PADI6: variants seen among roughly 807,000 people sequenced by gnomAD.
PADI6 encodes peptidyl arginine deiminase 6.
In PADI6, 66 loss-of-function variants were observed where a neutral mutation model predicts 78.2. That is an observed-to-expected ratio of 0.84 (90% CI 0.69 to 1.04). The LOEUF is 1.04. Ranked by LOEUF, PADI6 falls within the 50% of genes least tolerant of loss-of-function variation. PADI6 has a pLI of 0.00. For synonymous variants in PADI6, 397 were observed against 346.9 expected, an observed-to-expected ratio of 1.14 and a Z score of -1.60; for missense variants, 854 against 866.1, an observed-to-expected ratio of 0.99 and a Z score of 0.18.
rs528752440 is a variant in PADI6, at chr1:17,385,248, C to A, written c.680-3133C>A. Among the ~76,000 whole-genome samples the A allele has an allele frequency of 2.3e-3, 357 of 152,174 alleles. 1 individual carries two copies. Among genetic ancestry groups the A allele is most frequent in the Admixed American group, 3.6e-3 (55 of 15,276 alleles). ...GGTCTGGTCGTAGCCTGAAATGAGG[C>A]CTTTTGGTGTGATGGTTTTCTCCAG... On this transcript the variant is annotated intron_variant, in intron 6 of 15. Coordinates refer to ENST00000619609, the MANE Select transcript of PADI6 (RefSeq NM_207421.4).
Position 17,393,985 on chromosome 1 carries a change from CCTT to C in PADI6, c.1088_1090del (p.Phe363del). ...TCCTCTCCATTCCAGGATGAGATGGCCTTCTGCTACACCCAGGCTCCCCACAAG... is the reference window on the plus strand; with the variant it reads ...TCCTCTCCATTCCAGGATGAGATGGCCTGCTACACCCAGGCTCCCCACAAG... On this transcript the variant is annotated inframe_deletion, in exon 10 of 16. Coordinates refer to ENST00000619609, the MANE Select transcript of PADI6 (RefSeq NM_207421.4). 1 of 1,613,732 alleles carries C rather than the reference CCTT, an allele frequency of 6.2e-7. No individual in the cohort carries two copies. The highest frequency in any genetic ancestry group is 8.5e-7 in the Non-Finnish European group (1 of 1,179,728).
chr1:17,398,731 C>T lies in PADI6; in HGVS notation c.1735C>T (p.Leu579=), dbSNP rs377469147. The T allele has an allele frequency of 3.8e-6, 6 of 1,582,082 alleles. No homozygotes were observed. The highest frequency in any genetic ancestry group is 4.3e-6 in the Non-Finnish European group (5 of 1,163,272). The stretch of plus-strand genomic sequence containing the variant: ...TGACATCCTGAAGACGGAGCTGGGC[C>T]TGGTGGAACAGGACATCATCGAGAT... The part of the protein sequence containing the change: ...NRDILKTELG[L]VEQDIIEIPQ... Residue 579 remains leucine (L), a synonymous_variant, in exon 15 of 16, where the codon CTG becomes TTG. Transcript: ENST00000619609.
chr1:17,395,652 T>TC lies in PADI6; in HGVS notation c.1609dup (p.Leu537ProfsTer3). 6.2e-7 allele frequency: 1 copy of TC among 1,611,664 alleles called. No individual in the cohort carries two copies. Among genetic ancestry groups the TC allele is most frequent in the East Asian group, 2.2e-5 (1 of 44,844 alleles). On this transcript the variant is annotated frameshift_variant, in exon 13 of 16. Coordinates refer to ENST00000619609, the MANE Select transcript of PADI6 (RefSeq NM_207421.4). LOFTEE classifies it high-confidence loss of function. ...TTTGATGAGCTTAGAGCAGATCAGC[T>TC]CCTGTCTAATGGTAAGGGAACTCCC...
Position 17,401,638 on chromosome 1 carries a change from A to G in PADI6, c.*200A>G. ...TTGAACCCCTATGGGGAAAAGATGC[A>G]AAAGTGTTCAGCCAAGTGACGTTTA... On this transcript the variant is annotated 3_prime_UTR_variant, in exon 16 of 16. Coordinates refer to ENST00000619609, the MANE Select transcript of PADI6 (RefSeq NM_207421.4). 1.7e-6 allele frequency: 1 copy of G among 591,346 alleles called. No individual in the cohort carries two copies. The highest frequency in any genetic ancestry group is 3.1e-5 in the Admixed American group (1 of 32,420). 36.6% of individuals were successfully genotyped at this position (591,346 alleles called of 1,614,324 possible).
chr1:17,376,440 T>C (rs2075016818), intron 3 of PADI6, among the ~76,000 whole-genome samples: 1 of 151,848 alleles, frequency 6.6e-6, no homozygotes, highest in African/African-American at 2.4e-5. Context: ...GCTGGGACTA[T>C]AGGTACCCGC....
chr1:17,377,178 G>C (rs1246474956), intron 3 of PADI6, among the ~76,000 whole-genome samples: 1 of 151,916 alleles, frequency 6.6e-6, no homozygotes, highest in Non-Finnish European at 1.5e-5. Flanking sequence ...CCCATAGAGA[G>C]GGTTTTACCA....
At chr1:17,393,474 AG>A (rs2075211854) in intron 9 of PADI6, among the ~76,000 whole-genome samples, 1 of 152,222 alleles carries the variant, frequency 6.6e-6, no homozygotes, top group Non-Finnish European at 1.5e-5. Context: ...AATGTAAGCC[AG>A]TAAGGCTTGT....
chr1:17,378,548 G>A (rs796147188), intron 3 of PADI6, among the ~76,000 whole-genome samples: 10 of 152,264 alleles, frequency 6.6e-5, no homozygotes, highest in African/African-American at 2.4e-4. Flanking sequence ...CTAAGGAGGC[G>A]GGACAGTCCC....
chr1:17,375,298 T>C, intron 2 of PADI6, 129 bp from the exon 3 acceptor site: 1 of 809,338 alleles, frequency 1.2e-6, no homozygotes. Flanking sequence ...TACCAGCTCA[T>C]AGGTGAGACT....
rs191924820 is a variant in PADI6, at chr1:17,375,153, C to T, written c.295-274C>T. On this transcript the variant is annotated intron_variant, in intron 2 of 15. Coordinates refer to ENST00000619609, the MANE Select transcript of PADI6 (RefSeq NM_207421.4). ...TTTGGGATAAGTCCCTTGATCACCC[C>T]GCCATCAGGGATACAGCTCTCACGT... 1.4e-3 allele frequency among the ~76,000 whole-genome samples: 206 copies of T among 152,250 alleles called. 1 individual carries two copies. The highest frequency in any genetic ancestry group is 3.4e-3 in the Middle Eastern group (1 of 294).
At chr1:17,388,609 GA>G in intron 7 of PADI6, 50 bp downstream of exon 7, 1 of 1,521,488 alleles carries the variant, frequency 6.6e-7, no homozygotes. Context: ...TCCGGTGGGG[GA>G]AAAGCCATCT....
intron 3 of PADI6, 118 bp downstream of exon 3, chr1:17,375,617 C>A (rs1471308411): frequency 3.5e-6 from 3 of 849,794 alleles, no homozygotes; most frequent in African/African-American, 3.4e-5. Context: ...CTCCTGTGGG[C>A]CCCAGGAACT....
rs368871093 is a variant in PADI6, at chr1:17,379,895, G to A, written c.368-25G>A. 20 of 1,609,710 alleles carry A rather than the reference G, an allele frequency of 1.2e-5. No homozygotes were observed. The East Asian group carries it at 1.8e-4, about 14-fold the overall frequency. ...TTCCATCTGGCAGGTCAAGGTGGCTGGGACACCCTTTTCTTCTGTTTCAGA... is the reference window on the plus strand; with the variant it reads ...TTCCATCTGGCAGGTCAAGGTGGCTAGGACACCCTTTTCTTCTGTTTCAGA... On this transcript the variant is annotated intron_variant, in intron 3 of 15. Transcript: ENST00000619609.
intron 4 of PADI6, 50 bp from the exon 5 acceptor site, chr1:17,380,997 G>C: frequency 6.8e-7 from 1 of 1,479,680 alleles, no homozygotes; most frequent in Non-Finnish European, 9.2e-7. Flanking sequence ...CCGAGAAACA[G>C]AAGATTTATT....
chr1:17,375,556 G>T lies in PADI6; in HGVS notation c.367+57G>T, dbSNP rs189779036. On this transcript the variant is annotated intron_variant, in intron 3 of 15. Transcript: ENST00000619609. ...CCAACTCACCGCTGGGGTTGGGGAAGGGGTGGGATTGTAGGAGGAGCCAAA... is the reference window on the plus strand; with the variant it reads ...CCAACTCACCGCTGGGGTTGGGGAATGGGTGGGATTGTAGGAGGAGCCAAA... The T allele has an allele frequency of 2.9e-5, 43 of 1,484,908 alleles. No homozygotes were observed. The East Asian group carries it at 1.0e-3, about 35-fold the overall frequency. The allele number at this position is 1,484,908 out of a possible 1,614,324, so 92.0% of individuals were successfully genotyped here. A position where few individuals can be genotyped will look rare whatever the true frequency, so the allele number is the denominator to read the frequency against.
chr1:17,394,857 G>A (rs2075229479), intron 11 of PADI6, 94 bp from the exon 12 acceptor site: 3 of 1,423,128 alleles, frequency 2.1e-6, no homozygotes, highest in African/African-American at 2.9e-5. Flanking sequence ...AACGGTCAGA[G>A]GCCAGCTCCC....
intron 9 of PADI6, among the ~76,000 whole-genome samples, chr1:17,393,364 A>G (rs566239940): frequency 6.6e-6 from 1 of 152,332 alleles, no homozygotes; most frequent in South Asian, 2.1e-4. Context: ...AACAGATCTT[A>G]AGAGTAGGCA....
intron 6 of PADI6, among the ~76,000 whole-genome samples, chr1:17,387,852 A>G (rs910361160): frequency 6.6e-6 from 1 of 152,224 alleles, no homozygotes; most frequent in African/African-American, 2.4e-5. Context: ...ATGACCTAAA[A>G]CTAGGAGACA....
chr1:17,395,098 G>A lies in PADI6; in HGVS notation c.1485G>A (p.Glu495=), dbSNP rs535245177. Reference sequence around the variant, plus strand: ...TCATCCCCACAGATGACAAGAATGAGGGCAAAAAGGTCTGCTTTGGGGTCT... The same window carrying A: ...TCATCCCCACAGATGACAAGAATGAAGGCAAAAAGGTCTGCTTTGGGGTCT... ...MCFIPTDDKN[E]GKKGFLLLLA... is the part of the protein sequence containing the mutation. The change falls in exon 12 of 16, where the codon GAG becomes GAA. Residue 495 remains glutamate (E), a synonymous_variant. Coordinates refer to ENST00000619609, the MANE Select transcript of PADI6 (RefSeq NM_207421.4). The A allele has an allele frequency of 2.0e-5, 33 of 1,613,228 alleles. No individual in the cohort carries two copies. In the East Asian group the frequency reaches 2.5e-4, roughly 12 times the overall value.
Sources: gnomAD v4.1 joint callset for allele counts (sites outside exome capture counted in the v4.1 genomes callset) on GRCh38, gnomAD v4.1.1 for gene constraint, MANE v1.5 for transcripts, NCBI Gene and HGNC (gene_info 2026-07-23, HGNC 2026-07-21) for gene names.